The following EXOC4 variants were observed in gnomAD, a reference collection of about 807,000 sequenced individuals.
The protein encoded by EXOC4 is exocyst complex component 4.
EXOC4 carries 71 observed loss-of-function variants against 107.2 expected under a neutral mutation model. The observed-to-expected ratio is 0.66, with a 90% CI of 0.55 to 0.81. The LOEUF (loss-of-function observed/expected upper bound fraction) is 0.81, where lower values mean the gene tolerates loss of function less well. Ranked by LOEUF, EXOC4 falls within the 30% of genes least tolerant of loss-of-function variation. The probability of loss-of-function intolerance (pLI) is 0.00; values close to 1 mark genes in which losing one functional copy is unlikely to be tolerated. For synonymous variants in EXOC4, 456 were observed against 441.2 expected (o/e 1.03, Z -0.42); for missense variants, 1,108 against 1,189.6 (o/e 0.93, Z 1.01).
intron 5 of EXOC4, among the ~76,000 whole-genome samples, chr7:133,348,774 A>G (rs1179938712): frequency 6.6e-6 from 1 of 152,222 alleles, no homozygotes; most frequent in Non-Finnish European, 1.5e-5. Flanking sequence ...CATGTGTAAA[A>G]CAAAACCAGT....
intron 10 of EXOC4, among the ~76,000 whole-genome samples, chr7:133,804,160 G>A (rs572827583): frequency 8.5e-5 from 13 of 152,260 alleles, no homozygotes; most frequent in South Asian, 2.1e-4. Flanking sequence ...TGTGAATACC[G>A]TTGCAAGATA....
chr7:133,323,324 T>G (rs1448774936), intron 5 of EXOC4, among the ~76,000 whole-genome samples: 1 of 152,328 alleles, frequency 6.6e-6, no homozygotes, highest in Admixed American at 6.5e-5. Flanking sequence ...TTTTTGCCCA[T>G]TCAGTATGAT....
chr7:133,406,910 G>A (rs141210632), intron 7 of EXOC4, among the ~76,000 whole-genome samples: 1 of 152,346 alleles, frequency 6.6e-6, no homozygotes, highest in Non-Finnish European at 1.5e-5. Flanking sequence ...ATGTCCTAAA[G>A]TGTGTGCCAT....
rs1427260116 is a variant in EXOC4 at position 133,890,431 on chromosome 7, G to T, written c.1735-5168G>T. Among the ~76,000 whole-genome samples, 9 of 91,944 alleles carry T rather than the reference G, an allele frequency of 9.8e-5. No homozygotes were observed. In the East Asian group the frequency reaches 2.4e-3, roughly 25 times the overall value. 60.3% of individuals were successfully genotyped at this position (91,944 alleles called of 152,430 possible). A position where few individuals can be genotyped will look rare whatever the true frequency, so the allele number is the denominator to read the frequency against. ...GTGCAGAAGCTCTTGAGTTTAATTA[G>T]ATCCCATTTGTCAATTTTGGCTTTG... On this transcript the variant is annotated intron_variant, in intron 11 of 17. Transcript: ENST00000253861.
intron 17 of EXOC4, among the ~76,000 whole-genome samples, chr7:134,043,180 T>C (rs905872222): frequency 6.6e-5 from 10 of 152,186 alleles, no homozygotes; most frequent in African/African-American, 2.4e-4. Context: ...ACAGTGGGAT[T>C]GTGTGGCATG....
intron 9 of EXOC4, among the ~76,000 whole-genome samples, chr7:133,616,657 A>G (rs1213199336): frequency 1.3e-5 from 2 of 152,170 alleles, no homozygotes; most frequent in African/African-American, 2.4e-5. Context: ...CAAAGAGAGT[A>G]TCAAATAATC....
intron 10 of EXOC4, among the ~76,000 whole-genome samples, chr7:133,674,260 A>G (rs992997406): frequency 3.3e-5 from 5 of 152,198 alleles, no homozygotes; most frequent in Admixed American, 6.5e-5. Context: ...TGGATTATAT[A>G]TAGTACAAAA....
intron 11 of EXOC4, among the ~76,000 whole-genome samples, chr7:133,850,210 G>A (rs1798212683): frequency 6.6e-6 from 1 of 152,082 alleles, no homozygotes; most frequent in African/African-American, 2.4e-5. Context: ...TTTTAGCCTA[G>A]AGCTTTGGCA....
At chr7:133,887,678 G>T (rs1004970497) in intron 11 of EXOC4, among the ~76,000 whole-genome samples, 27 of 152,108 alleles carry the variant, frequency 1.8e-4, no homozygotes, top group Non-Finnish European at 2.8e-4. Context: ...GCATACTTGG[G>T]ACCAGAACAA....
At chr7:133,696,755 G>T (rs1436889454) in intron 10 of EXOC4, among the ~76,000 whole-genome samples, 2 of 152,056 alleles carry the variant, frequency 1.3e-5, no homozygotes, top group Non-Finnish European at 2.9e-5. Context: ...TGTTTCTGTT[G>T]TTGCATTTAC....
rs1796160045 is a variant in EXOC4, at chr7:134,065,454, A to T, written c.*926A>T. 1 of 152,162 alleles carries T rather than the reference A, an allele frequency of 6.6e-6. No homozygotes were observed. The highest frequency in any genetic ancestry group is 1.5e-5 in the Non-Finnish European group (1 of 68,092). The allele number at this position is 152,162 out of a possible 1,614,324, so 9.4% of individuals were successfully genotyped here. On this transcript the variant is annotated 3_prime_UTR_variant, in exon 18 of 18. Coordinates refer to ENST00000253861, the MANE Select transcript of EXOC4 (RefSeq NM_021807.4). ...TTCTCCTCTGTGCGGCCTCCAGCTG[A>T]GCCTGTCTCTGAATTGTTCCCTCCC... is the stretch of plus-strand genomic sequence containing the variant.
At chr7:133,926,095 A>G (rs1327322896) in intron 13 of EXOC4, among the ~76,000 whole-genome samples, 1 of 151,744 alleles carries the variant, frequency 6.6e-6, no homozygotes, top group Non-Finnish European at 1.5e-5. Context: ...AGTTTATTCC[A>G]GCAGTCACAG....
intron 10 of EXOC4, among the ~76,000 whole-genome samples, chr7:133,695,344 G>A (rs1794511190): frequency 6.6e-6 from 1 of 152,104 alleles, no homozygotes; most frequent in African/African-American, 2.4e-5. Flanking sequence ...ATGTGTGCAT[G>A]TATTGTAGTT....
chr7:133,886,237 G>T (rs933057386), intron 11 of EXOC4, among the ~76,000 whole-genome samples: 1 of 152,210 alleles, frequency 6.6e-6, no homozygotes, highest in Non-Finnish European at 1.5e-5. Flanking sequence ...GGTTTCTGAA[G>T]TCCTCCAGTA....
chr7:133,258,071 G>A (rs148887656), intron 1 of EXOC4, among the ~76,000 whole-genome samples: 31 of 152,268 alleles, frequency 2.0e-4, no homozygotes, highest in African/African-American at 6.7e-4. Flanking sequence ...ATCACATAAT[G>A]GTGTTTGGTT....
chr7:133,820,154 A>ATTT (rs35640945), intron 11 of EXOC4, among the ~76,000 whole-genome samples: 3,641 of 70,126 alleles, frequency 0.052, 69 homozygotes, highest in Middle Eastern at 0.085. Context: ...CACCTGCTTC[A>ATTT]TTTTTTTTTT....
chr7:134,049,746 C>T (rs943938641), intron 17 of EXOC4, among the ~76,000 whole-genome samples: 1 of 152,196 alleles, frequency 6.6e-6, no homozygotes, highest in Non-Finnish European at 1.5e-5. Flanking sequence ...TTTTACTTAC[C>T]TCTGCATCCA....
chr7:133,871,802 C>T (rs1798757135), intron 11 of EXOC4, among the ~76,000 whole-genome samples: 1 of 152,152 alleles, frequency 6.6e-6, no homozygotes, highest in South Asian at 2.1e-4. Context: ...TTTTGTGCCT[C>T]AGTTTTATTA....
At chr7:133,677,648 T>C (rs1196285187) in intron 10 of EXOC4, among the ~76,000 whole-genome samples, 1 of 152,238 alleles carries the variant, frequency 6.6e-6, no homozygotes, top group Non-Finnish European at 1.5e-5. Flanking sequence ...ATGTTGGCTA[T>C]GTGCAAAGAA....
Sources: gnomAD v4.1 joint callset for allele counts (sites outside exome capture counted in the v4.1 genomes callset) on GRCh38, gnomAD v4.1.1 for gene constraint, MANE v1.5 for transcripts, NCBI Gene and HGNC (gene_info 2026-07-23, HGNC 2026-07-21) for gene names.